Variants in CCNF observed in about 807,000 individuals in gnomAD.
The protein encoded by CCNF is cyclin-F.
In CCNF, 30 loss-of-function variants were observed where a neutral mutation model predicts 85.4. The observed-to-expected ratio is 0.35, with a 90% confidence interval of 0.26 to 0.48. The LOEUF (loss-of-function observed/expected upper bound fraction) is 0.48. Ranked by LOEUF, CCNF falls within the 20% of genes least tolerant of loss-of-function variation. The probability of loss-of-function intolerance (pLI) is 0.99; values close to 1 mark genes in which losing one functional copy is unlikely to be tolerated. For synonymous variants in CCNF, 439 were observed against 425.1 expected, an observed-to-expected ratio of 1.03 and a Z score of -0.40; for missense variants, 919 against 1,010.4, an observed-to-expected ratio of 0.91 and a Z score of 1.23.
At position 2,439,831 on chromosome 16, in the gene CCNF, G is replaced by A; in HGVS notation, c.777+5G>A. 6.2e-7 allele frequency: 1 copy of A among 1,613,608 alleles called. No homozygotes were observed. The highest frequency in any genetic ancestry group is 8.5e-7 in the Non-Finnish European group (1 of 1,179,560). ...AAAGGCTGCTGGGAAGCGCAGGTGA[G>A]GTGCGGGGCTGGGATGACGTGGGGA... is the stretch of plus-strand genomic sequence containing the variant. On this transcript the variant is annotated splice_donor_5th_base_variant and intron_variant, in intron 8 of 16. Coordinates refer to ENST00000397066, the MANE Select transcript of CCNF (RefSeq NM_001761.3).
intron 5 of CCNF, chr16:2,437,852 C>T: frequency 1.9e-6 from 1 of 522,420 alleles, no homozygotes; most frequent in South Asian, 2.2e-5. Context: ...TGAGCCGTGA[C>T]TATGCCAATG....
rs1190095726 is a variant in CCNF at position 2,458,359 on chromosome 16, C to G, written c.*1339C>G. On this transcript the variant is annotated 3_prime_UTR_variant, in exon 17 of 17. Transcript: ENST00000397066. ...CACTGTAACCTCCGCCTCCCGGATACTCCTGCCTCAGCCTCCTGGGTAGCT... is the reference window on the plus strand; with the variant it reads ...CACTGTAACCTCCGCCTCCCGGATAGTCCTGCCTCAGCCTCCTGGGTAGCT... 1 of 151,468 alleles carries G rather than the reference C, an allele frequency of 6.6e-6. No homozygotes were observed. Among genetic ancestry groups the G allele is most frequent in the East Asian group, 1.9e-4 (1 of 5,194 alleles). 9.4% of individuals were successfully genotyped at this position (151,468 alleles called of 1,614,324 possible).
At chr16:2,444,044 C>CGAGTA (rs1469074439) in intron 9 of CCNF, among the ~76,000 whole-genome samples, 9 of 151,186 alleles carry the variant, frequency 6.0e-5, no homozygotes, top group Non-Finnish European at 1.3e-4. Context: ...CTCAGCCTCC[C>CGAGTA]GAGTAGCTGG....
intron 11 of CCNF, 134 bp from the exon 12 acceptor site, chr16:2,449,148 T>A (rs1292206303): frequency 1.3e-5 from 19 of 1,422,470 alleles, no homozygotes; most frequent in Non-Finnish European, 1.9e-5. Flanking sequence ...CACGTCGCCA[T>A]CTGCGCTGGT....
chr16:2,448,732 T>A (rs941883866), intron 10 of CCNF, 123 bp from the exon 11 acceptor site: 1 of 842,522 alleles, frequency 1.2e-6, no homozygotes. Context: ...CCTCTGTTTG[T>A]CACCAAAGCC....
intron 4 of CCNF, chr16:2,436,918 T>C: frequency 2.5e-6 from 1 of 399,140 alleles, no homozygotes. Context: ...GCAGGGGCAT[T>C]GATCACAATG....
rs562145171 is a variant in CCNF, at chr16:2,458,253, CTT to C, written c.*1250_*1251del. ...CTTGGCCAGAAGTGTCCCCCAGATG[CTT>C]TTTTTTTTTTTTTTTTGGAGACAGT... On this transcript the variant is annotated 3_prime_UTR_variant, in exon 17 of 17. Transcript: ENST00000397066. 49 of 130,226 alleles carry C rather than the reference CTT, an allele frequency of 3.8e-4. No homozygotes were observed. The highest frequency in any genetic ancestry group is 5.5e-4 in the Admixed American group (7 of 12,834). 8.1% of individuals were successfully genotyped at this position (130,226 alleles called of 1,614,324 possible).
intron 1 of CCNF, among the ~76,000 whole-genome samples, chr16:2,430,003 A>G (rs748356160): frequency 7.2e-5 from 11 of 152,160 alleles, no homozygotes; most frequent in Non-Finnish European, 1.3e-4. Flanking sequence ...GGTTTCAGCT[A>G]TTATCATAGT....
In CCNF at chr16:2,437,211, G is replaced by C. The variant is rs769783592; in HGVS notation, c.429G>C (p.Val143=). 6.2e-7 allele frequency: 1 copy of C among 1,612,844 alleles called. No individual in the cohort carries two copies. Among genetic ancestry groups the C allele is most frequent in the Non-Finnish European group, 8.5e-7 (1 of 1,179,456 alleles). Residue 143 remains valine (V), a synonymous_variant, in exon 5 of 17, where the codon GTG becomes GTC. Transcript: ENST00000397066. ...TCAGTCTCGCTGAGCGGCTGAATGTGGGTGCCGCACCTTTCATCTGGCTCT... is the reference window on the plus strand; with the variant it reads ...TCAGTCTCGCTGAGCGGCTGAATGTCGGTGCCGCACCTTTCATCTGGCTCT... The part of the protein sequence containing the change: ...RFFSLAERLN[V]GAAPFIWLFI...
intron 4 of CCNF, 26 bp downstream of exon 4, chr16:2,435,899 T>G: frequency 6.4e-7 from 1 of 1,555,966 alleles, no homozygotes; most frequent in Non-Finnish European, 8.9e-7. Context: ...ACCTGCATGT[T>G]GGCGCTTCAG....
rs754443604 is a variant in CCNF at position 2,451,832 on chromosome 16, G to A, written c.1488-1378G>A. On this transcript the variant is annotated intron_variant, in intron 13 of 16. Transcript: ENST00000397066. This position sits in a 1 kb window ranked among gnomAD's most constrained non-coding sequence, Gnocchi z 4.3. ...CTTCCCACCCACCCCAAGGGGCCCC[G>A]GAATTCTGGCTTTCTGCCACTCCTC... 2.0e-5 allele frequency among the ~76,000 whole-genome samples: 3 copies of A among 147,808 alleles called. No individual in the cohort carries two copies. Among genetic ancestry groups the A allele is most frequent in the Non-Finnish European group, 4.5e-5 (3 of 66,918 alleles).
chr16:2,430,358 G>T (rs1373142602), intron 1 of CCNF, among the ~76,000 whole-genome samples: 1 of 152,102 alleles, frequency 6.6e-6, no homozygotes, highest in Non-Finnish European at 1.5e-5. Context: ...AGTGAGGAAG[G>T]GGTTGCTGGA....
chr16:2,449,363 C>A lies in CCNF; in HGVS notation c.1300C>A (p.Leu434Ile). ...GAGAACCCAGCACCTGTGCAGCTTCCTCTGCGAGCTCTCCCTGCTGCACAC... is the reference window on the plus strand; with the variant it reads ...GAGAACCCAGCACCTGTGCAGCTTCATCTGCGAGCTCTCCCTGCTGCACAC... Reference protein sequence around the residue: ...ELRTQHLCSFLCELSLLHTSL... With the variant: ...ELRTQHLCSFICELSLLHTSL... Residue 434 changes from leucine (L) to isoleucine (I), a missense_variant, in exon 12 of 17, where the codon CTC becomes ATC. By Grantham distance (5) the Leu-to-Ile change is conservative. Coordinates refer to ENST00000397066, the MANE Select transcript of CCNF (RefSeq NM_001761.3). 1 of 1,613,506 alleles carries A rather than the reference C, an allele frequency of 6.2e-7. No individual in the cohort carries two copies. Among genetic ancestry groups the A allele is most frequent in the Non-Finnish European group, 8.5e-7 (1 of 1,179,968 alleles).
In CCNF at chr16:2,445,641, C is replaced by T. The variant is rs758414416; in HGVS notation, c.1094+19C>T. ...GCACCCGGTGAGAAGCCCCCTTGGC[C>T]CAGCTGGCAGGGACGTGCTGGCCTT... On this transcript the variant is annotated intron_variant, in intron 10 of 16. Coordinates refer to ENST00000397066, the MANE Select transcript of CCNF (RefSeq NM_001761.3). 26 of 1,607,522 alleles carry T rather than the reference C, an allele frequency of 1.6e-5. No individual in the cohort carries two copies. The highest frequency in any genetic ancestry group is 2.1e-5 in the Non-Finnish European group (25 of 1,178,924).
chr16:2,443,884 A>T, intron 9 of CCNF, 84 bp downstream of exon 9: 2 of 1,304,882 alleles, frequency 1.5e-6, no homozygotes, highest in Non-Finnish European at 2.2e-6. Context: ...ACTTAACCCC[A>T]GTTACCTGTG....
In CCNF at chr16:2,456,764, A is replaced by T; in HGVS notation, c.2105A>T (p.Tyr702Phe). 1 of 1,612,756 alleles carries T rather than the reference A, an allele frequency of 6.2e-7. No homozygotes were observed. ...GGGAAGGACGTCACGACCTCAGGGT[A>T]CTCCTCCGTCAGCACCGCAAGTCCC... ...EPGKDVTTSGYSSVSTASPTS... is the reference protein window; with the variant it reads ...EPGKDVTTSGFSSVSTASPTS... Residue 702 changes from tyrosine to phenylalanine, a missense_variant, in exon 17 of 17, where the codon TAC (tyrosine) becomes TTC (phenylalanine). Coordinates refer to ENST00000397066, the MANE Select transcript of CCNF (RefSeq NM_001761.3). This position sits in a 1 kb window ranked among gnomAD's most constrained non-coding sequence, Gnocchi z 4.5.
At chr16:2,449,796 C>CCCCTCCATA in intron 12 of CCNF, 32 bp from the exon 13 acceptor site, 1 of 682,280 alleles carries the variant, frequency 1.5e-6, no homozygotes, top group Non-Finnish European at 2.5e-6. Context: ...TCCCCTCCAT[C>CCCCTCCATA]CCCTCCACCC....
chr16:2,434,866 C>CT (rs1452765919), intron 3 of CCNF, among the ~76,000 whole-genome samples: 1 of 152,204 alleles, frequency 6.6e-6, no homozygotes, highest in African/African-American at 2.4e-5. Context: ...AACACGTGGT[C>CT]TTTCGTGGCT....
At chr16:2,433,265 A>G (rs2065271675) in intron 3 of CCNF, among the ~76,000 whole-genome samples, 198 bp downstream of exon 3, 1 of 152,110 alleles carries the variant, frequency 6.6e-6, no homozygotes, top group South Asian at 2.1e-4. Flanking sequence ...CCAGCAGGCT[A>G]TGCAGTCAGT....
Sources: allele counts gnomAD v4.1 joint callset (sites outside exome capture counted in the v4.1 genomes callset), GRCh38; gene constraint gnomAD v4.1.1; non-coding constraint Gnocchi (gnomAD v3.1); transcripts MANE v1.5; gene names NCBI Gene and HGNC (gene_info 2026-07-23, HGNC 2026-07-21).